The following WWP2 variants were observed in gnomAD, a reference collection of about 807,000 sequenced individuals.
WWP2 encodes WW domain containing E3 ubiquitin protein ligase 2.
Under a neutral mutation model 121.0 loss-of-function variants are expected in WWP2, and 57 were observed. The observed-to-expected ratio is 0.47, with a 90% CI of 0.38 to 0.59. The LOEUF is 0.59. WWP2 is among the 20% of genes least tolerant of loss of function. WWP2 has a pLI of 0.00. For synonymous variants in WWP2, 449 were observed against 441.3 expected (o/e 1.02, Z -0.22); for missense variants, 962 against 1,158.9 (o/e 0.83, Z 2.47).
intron 1 of WWP2, among the ~76,000 whole-genome samples, chr16:69,766,568 C>G (rs1231077311): frequency 6.6e-6 from 1 of 152,186 alleles, no homozygotes. Flanking sequence ...CCTGCTTACT[C>G]AATCCCCTCC....
chr16:69,845,492 G>A (rs1874441579), intron 6 of WWP2, among the ~76,000 whole-genome samples: 2 of 152,126 alleles, frequency 1.3e-5, no homozygotes, highest in African/African-American at 4.8e-5. Flanking sequence ...TGTCTGAAGG[G>A]TAGGTTTTTC....
chr16:69,906,263 A>G (rs186213195), intron 8 of WWP2, among the ~76,000 whole-genome samples: 181 of 152,026 alleles, frequency 1.2e-3, no homozygotes, highest in Middle Eastern at 0.01. Context: ...TAGTAGAGAC[A>G]GGGTTTTACT....
intron 4 of WWP2, among the ~76,000 whole-genome samples, chr16:69,808,741 T>C (rs2056331076): frequency 6.6e-6 from 1 of 152,232 alleles, no homozygotes; most frequent in African/African-American, 2.4e-5. Context: ...TTCTGTTTTA[T>C]GAATACACCA....
intron 16 of WWP2, among the ~76,000 whole-genome samples, chr16:69,932,555 T>C (rs1035756849): frequency 3.3e-5 from 5 of 152,206 alleles, no homozygotes; most frequent in African/African-American, 1.2e-4. Context: ...CAGCAGCATC[T>C]GGGCAGTTGA....
chr16:69,917,980 A>C lies in WWP2; in HGVS notation c.1179+97A>C, dbSNP rs2058501363. 4.8e-6 allele frequency: 7 copies of C among 1,446,564 alleles called. No homozygotes were observed. The South Asian group carries it at 9.5e-5, about 20-fold the overall frequency. 89.6% of individuals were successfully genotyped at this position (1,446,564 alleles called of 1,614,324 possible). ...CTGTTGACCTGCTTAGTGAGCAGGG[A>C]AAACAGCGTCTGGCAACGTCAGTGC... On this transcript the variant is annotated intron_variant, in intron 10 of 23. Coordinates refer to ENST00000359154, the MANE Select transcript of WWP2 (RefSeq NM_001270454.2).
chr16:69,763,903 G>C (rs2038671959), intron 1 of WWP2, among the ~76,000 whole-genome samples: 1 of 152,218 alleles, frequency 6.6e-6, no homozygotes, highest in South Asian at 2.1e-4. Flanking sequence ...AGAAGCTTGT[G>C]ATTATCTGTG....
At chr16:69,772,271 G>A (rs1454934399) in intron 1 of WWP2, among the ~76,000 whole-genome samples, 1 of 152,082 alleles carries the variant, frequency 6.6e-6, no homozygotes, top group Non-Finnish European at 1.5e-5. Flanking sequence ...CAACTGCTTG[G>A]TTGAACTGGG....
Position 69,871,296 on chromosome 16 carries a change from GACA to G in WWP2, c.576-500_576-498del, listed in dbSNP as rs1396551317. 2.0e-5 allele frequency among the ~76,000 whole-genome samples: 3 copies of G among 152,250 alleles called. No individual in the cohort carries two copies. In the East Asian group the frequency reaches 5.8e-4, roughly 29 times the overall value. On this transcript the variant is annotated intron_variant, in intron 6 of 23. Coordinates refer to ENST00000359154, the MANE Select transcript of WWP2 (RefSeq NM_001270454.2). Reference sequence around the variant, plus strand: ...CCTGTCTCTAAACAAACAAGTGAATGACAACAACAAAAAGTGTCAACATATGCA... The same window carrying G: ...CCTGTCTCTAAACAAACAAGTGAATGACAACAAAAAGTGTCAACATATGCA...
In WWP2 at chr16:69,925,700, C is replaced by A. The variant is rs2058630069; in HGVS notation, c.1234+216C>A. Among the ~76,000 whole-genome samples, 1 of 152,192 alleles carries A rather than the reference C, an allele frequency of 6.6e-6. No homozygotes were observed. Among genetic ancestry groups the A allele is most frequent in the African/African-American group, 2.4e-5 (1 of 41,428 alleles). The stretch of plus-strand genomic sequence containing the variant: ...AAGCTCCACCGAACCACTGTAGCAT[C>A]CACCCACCATCGCTAAAGGAGTGTG... On this transcript the variant is annotated intron_variant, in intron 11 of 23. Transcript: ENST00000359154. The surrounding 1 kb of genome is among the most constrained non-coding windows in gnomAD (Gnocchi z 4.0).
At chr16:69,848,702 T>A (rs1204627966) in intron 6 of WWP2, among the ~76,000 whole-genome samples, 1 of 151,880 alleles carries the variant, frequency 6.6e-6, no homozygotes, top group Non-Finnish European at 1.5e-5. Context: ...TTTTCCTTTC[T>A]TATGTGTATA....
At chr16:69,893,556 T>C (rs977050680) in intron 8 of WWP2, among the ~76,000 whole-genome samples, 1 of 151,664 alleles carries the variant, frequency 6.6e-6, no homozygotes, top group Non-Finnish European at 1.5e-5. Context: ...AATGCTGTTT[T>C]TTTTGTTTGT....
chr16:69,905,395 T>G (rs143191483), intron 8 of WWP2, among the ~76,000 whole-genome samples: 1 of 152,114 alleles, frequency 6.6e-6, no homozygotes, highest in Non-Finnish European at 1.5e-5. Context: ...GAGCAGAAGA[T>G]TGTGATTAAA....
At chr16:69,903,059 GT>G (rs1246229144) in intron 8 of WWP2, among the ~76,000 whole-genome samples, 9 of 152,310 alleles carry the variant, frequency 5.9e-5, no homozygotes, top group African/African-American at 1.9e-4. Context: ...GAAAGGTCTT[GT>G]TCCTCTGGCA....
chr16:69,890,340 GA>G (rs2058004273), intron 8 of WWP2, among the ~76,000 whole-genome samples: 1 of 152,172 alleles, frequency 6.6e-6, no homozygotes, highest in Admixed American at 6.5e-5. Flanking sequence ...CAAACCTGGA[GA>G]GAATTGGCAG....
At chr16:69,815,808 A>G (rs1051776469) in intron 4 of WWP2, among the ~76,000 whole-genome samples, 1 of 151,646 alleles carries the variant, frequency 6.6e-6, no homozygotes, top group African/African-American at 2.4e-5. Context: ...AAAAAAGGCA[A>G]TGGAATCATA....
At chr16:69,771,761 T>C (rs1347469322) in intron 1 of WWP2, among the ~76,000 whole-genome samples, 4 of 152,058 alleles carry the variant, frequency 2.6e-5, no homozygotes, top group Non-Finnish European at 4.4e-5. Context: ...GACATTTAGG[T>C]GTGAAGTACA....
chr16:69,919,612 G>A (rs974416822), intron 10 of WWP2, among the ~76,000 whole-genome samples: 13 of 152,178 alleles, frequency 8.5e-5, no homozygotes, highest in African/African-American at 3.1e-4. Context: ...ACAGTGAGCT[G>A]GAGGTGGGGA....
chr16:69,902,817 C>G (rs1009722021), intron 8 of WWP2, among the ~76,000 whole-genome samples: 1 of 152,078 alleles, frequency 6.6e-6, no homozygotes, highest in African/African-American at 2.4e-5. Flanking sequence ...TGAGGAGGAA[C>G]AGGAATCAGG....
intron 6 of WWP2, among the ~76,000 whole-genome samples, chr16:69,852,829 A>G (rs1276197495): frequency 6.6e-6 from 1 of 152,126 alleles, no homozygotes; most frequent in Non-Finnish European, 1.5e-5. Flanking sequence ...TTATTTTTAT[A>G]TGGCCATACT....
Sources: allele counts gnomAD v4.1 joint callset (sites outside exome capture counted in the v4.1 genomes callset), GRCh38; gene constraint gnomAD v4.1.1; non-coding constraint Gnocchi (gnomAD v3.1); transcripts MANE v1.5; gene names NCBI Gene and HGNC (gene_info 2026-07-23, HGNC 2026-07-21).